USP37: variants seen among roughly 807,000 people sequenced by gnomAD.
The protein encoded by USP37 is ubiquitin carboxyl-terminal hydrolase 37.
In USP37, 27 loss-of-function variants were observed where a neutral mutation model predicts 124.0. That is an observed-to-expected ratio of 0.22 (90% CI 0.16 to 0.30). The LOEUF (loss-of-function observed/expected upper bound fraction) is 0.30. Ranked by LOEUF, USP37 falls within the 10% of genes least tolerant of loss-of-function variation. The pLI, the probability that USP37 is intolerant of heterozygous loss-of-function variation, is 1.00. For synonymous variants in USP37, 365 were observed against 388.0 expected (o/e 0.94, Z 0.70); for missense variants, 889 against 1,140.4 (o/e 0.78, Z 3.17).
At chr2:218,557,839 G>A (rs1305957750) in intron 4 of USP37, among the ~76,000 whole-genome samples, 2 of 142,828 alleles carry the variant, frequency 1.4e-5, no homozygotes, top group Non-Finnish European at 3.0e-5. Context: ...GCTGAGGCAG[G>A]AGAATCGCTT....
intron 10 of USP37, among the ~76,000 whole-genome samples, chr2:218,524,642 C>T (rs747854058): frequency 2.4e-4 from 37 of 152,244 alleles, no homozygotes; most frequent in South Asian, 6.2e-4. Flanking sequence ...TGGAGTCTCG[C>T]GCTGTCACCC....
chr2:218,495,334 G>A (rs754936549), intron 14 of USP37, among the ~76,000 whole-genome samples: 29 of 152,078 alleles, frequency 1.9e-4, no homozygotes, highest in Non-Finnish European at 3.8e-4. Context: ...TAGAGATGGG[G>A]TTTCCCCATG....
At chr2:218,480,885 T>TA (rs1553540341) in intron 17 of USP37, among the ~76,000 whole-genome samples, 4 of 152,200 alleles carry the variant, frequency 2.6e-5, no homozygotes, top group East Asian at 3.8e-4. Context: ...CAGAAACACT[T>TA]AGACTCTCTG....
intron 1 of USP37, among the ~76,000 whole-genome samples, chr2:218,563,487 C>G (rs1429210908): frequency 6.6e-6 from 1 of 152,134 alleles, no homozygotes; most frequent in Non-Finnish European, 1.5e-5. Flanking sequence ...CTTAAAACTT[C>G]CATAACATGT....
At chr2:218,496,960 G>T (rs1486629360) in intron 13 of USP37, among the ~76,000 whole-genome samples, 1 of 150,514 alleles carries the variant, frequency 6.6e-6, no homozygotes, top group Non-Finnish European at 1.5e-5. Context: ...CTCTCCTCAG[G>T]TTTTTCAATC....
intron 16 of USP37, among the ~76,000 whole-genome samples, chr2:218,485,030 G>T (rs1042522726): frequency 7.9e-5 from 12 of 152,226 alleles, no homozygotes; most frequent in African/African-American, 2.6e-4. Context: ...ATGAAGGAAC[G>T]CACAAACTGC....
chr2:218,562,759 G>A lies in USP37; in HGVS notation c.-175C>T. Reference sequence around the variant, plus strand: ...GTGCCAAAGGCAAAGCACTCTTCTTGGGACACTACTCATATTCTGCAGCTA... The same window carrying A: ...GTGCCAAAGGCAAAGCACTCTTCTTAGGACACTACTCATATTCTGCAGCTA... On this transcript the variant is annotated 5_prime_UTR_variant, in exon 2 of 26. Transcript: ENST00000258399. The A allele has an allele frequency of 2.5e-6, 1 of 398,522 alleles. No individual in the cohort carries two copies. The highest frequency in any genetic ancestry group is 3.6e-5 in the East Asian group (1 of 28,078). 24.7% of individuals were successfully genotyped at this position (398,522 alleles called of 1,614,324 possible). A position where few individuals can be genotyped will look rare whatever the true frequency, so the allele number is the denominator to read the frequency against.
chr2:218,532,059 T>C (rs1445682642), intron 9 of USP37, among the ~76,000 whole-genome samples: 1 of 152,240 alleles, frequency 6.6e-6, no homozygotes, highest in Non-Finnish European at 1.5e-5. Flanking sequence ...CTGAAAGGAC[T>C]GATCCCAATT....
At chr2:218,514,806 A>C (rs1690185529) in intron 10 of USP37, among the ~76,000 whole-genome samples, 1 of 152,186 alleles carries the variant, frequency 6.6e-6, no homozygotes, top group Non-Finnish European at 1.5e-5. Flanking sequence ...TGAAATTCTT[A>C]ATTGGAATTC....
At chr2:218,483,521 G>C (rs1691373710) in intron 16 of USP37, among the ~76,000 whole-genome samples, 1 of 150,208 alleles carries the variant, frequency 6.7e-6, no homozygotes, top group South Asian at 2.1e-4. Context: ...ACTAATATTA[G>C]GATTTGACAA....
At chr2:218,475,035 A>C in intron 19 of USP37, 150 bp from the exon 20 acceptor site, 2 of 620,066 alleles carry the variant, frequency 3.2e-6, no homozygotes, top group Non-Finnish European at 2.5e-6. Context: ...TATATAAACT[A>C]AATGGTGAGT....
intron 10 of USP37, among the ~76,000 whole-genome samples, chr2:218,517,260 C>G (rs542049370): frequency 1.3e-5 from 2 of 152,094 alleles, no homozygotes; most frequent in Non-Finnish European, 2.9e-5. Flanking sequence ...TCATTTAAAC[C>G]CAACAAGATA....
intron 10 of USP37, among the ~76,000 whole-genome samples, chr2:218,519,111 T>C (rs1318327645): frequency 6.6e-6 from 1 of 152,338 alleles, no homozygotes; most frequent in East Asian, 1.9e-4. Flanking sequence ...ATGCCAACTA[T>C]GTTACAACTG....
chr2:218,471,700 T>G (rs1002593087), intron 20 of USP37, among the ~76,000 whole-genome samples: 22 of 152,190 alleles, frequency 1.4e-4, no homozygotes, highest in African/African-American at 4.3e-4. Context: ...TGATTTTTTT[T>G]TTCCCTTGGC....
chr2:218,478,200 G>A (rs1269189409), intron 18 of USP37, among the ~76,000 whole-genome samples: 1 of 152,248 alleles, frequency 6.6e-6, no homozygotes, highest in East Asian at 1.9e-4. Context: ...TCAGTGATAA[G>A]CCCAAACATA....
intron 7 of USP37, 51 bp downstream of exon 7, chr2:218,546,868 T>C: frequency 6.3e-7 from 1 of 1,575,640 alleles, no homozygotes; most frequent in South Asian, 1.2e-5. Flanking sequence ...CTAAAAGGCC[T>C]AAAAGACATT....
At chr2:218,494,828 T>A (rs1333135817) in intron 14 of USP37, among the ~76,000 whole-genome samples, 2 of 152,160 alleles carry the variant, frequency 1.3e-5, no homozygotes, top group Non-Finnish European at 2.9e-5. Context: ...ATGTAGAAAG[T>A]CTGGATAATT....
intron 8 of USP37, among the ~76,000 whole-genome samples, chr2:218,538,080 A>G (rs1574941526): frequency 6.6e-6 from 1 of 152,222 alleles, no homozygotes; most frequent in Admixed American, 6.5e-5. Flanking sequence ...GACAAGAACA[A>G]GCGTTAGGGG....
At chr2:218,456,761 G>T (rs1689720793) in intron 24 of USP37, among the ~76,000 whole-genome samples, 3 of 152,096 alleles carry the variant, frequency 2.0e-5, no homozygotes, top group African/African-American at 7.2e-5. Flanking sequence ...CTTGATCCCA[G>T]GAGTTCAAGA....
Sources: gnomAD v4.1 joint callset for allele counts (sites outside exome capture counted in the v4.1 genomes callset) on GRCh38, gnomAD v4.1.1 for gene constraint, MANE v1.5 for transcripts, NCBI Gene and HGNC (gene_info 2026-07-23, HGNC 2026-07-21) for gene names.